The following RILPL1 variants were observed in gnomAD, a reference collection of about 807,000 sequenced individuals.
The protein encoded by RILPL1 is Rab interacting lysosomal protein like 1.
In RILPL1, 33 loss-of-function variants were observed where a neutral mutation model predicts 50.3. The observed-to-expected ratio is 0.66, with a 90% CI of 0.50 to 0.88. The LOEUF (loss-of-function observed/expected upper bound fraction) is 0.88, where lower values mean the gene tolerates loss of function less well. Among genes scored for constraint, RILPL1 ranks in the 40% least tolerant of loss-of-function variants. RILPL1 has a pLI of 0.00. For missense variants in RILPL1, 418 were observed against 542.5 expected (o/e 0.77, Z 2.28); for synonymous variants, 205 against 228.6 (o/e 0.90, Z 0.93).
rs114546828 is a variant in RILPL1 at position 123,483,064 on chromosome 12, G to A, written c.1067+1116C>T. On this transcript the variant is annotated intron_variant, in intron 6 of 6. Transcript: ENST00000376874. ...AACACTCCACTTCCTCTCCCTACAC[G>A]ATCCGACTGGCTTTCCAACCCACAC... Among the ~76,000 whole-genome samples the A allele has an allele frequency of 8.1e-3, 1,239 of 152,350 alleles. 22 individuals carry two copies. The highest frequency in any genetic ancestry group is 0.027 in the African/African-American group (1,141 of 41,580).
intron 2 of RILPL1, among the ~76,000 whole-genome samples, chr12:123,509,236 G>C (rs1593578643): frequency 1.3e-5 from 2 of 152,294 alleles, no homozygotes; most frequent in South Asian, 2.1e-4. Context: ...AATGTGGTCT[G>C]TCCATACAAC....
chr12:123,523,374 A>C, intron 2 of RILPL1, 121 bp downstream of exon 2: 1 of 1,172,162 alleles, frequency 8.5e-7, no homozygotes, highest in Non-Finnish European at 1.2e-6. Context: ...ACAGAAGGCA[A>C]AGGGCTTTGG....
In RILPL1 at chr12:123,533,573, G is replaced by A. The variant is rs1885530280; in HGVS notation, c.-91C>T. 9.0e-6 allele frequency: 10 copies of A among 1,116,160 alleles called. No homozygotes were observed. The East Asian group carries it at 3.3e-4, about 37-fold the overall frequency. 69.1% of individuals were successfully genotyped at this position (1,116,160 alleles called of 1,614,324 possible). On this transcript the variant is annotated 5_prime_UTR_variant, in exon 1 of 7. Transcript: ENST00000376874. This position sits in a 1 kb window ranked among gnomAD's most constrained non-coding sequence, Gnocchi z 6.2. Reference sequence around the variant, plus strand: ...GGGCCGGGCCGGCCGGGCCCAGCCTGGGCCGCGGGCGGGCGCGCTCAGCGG... The same window carrying A: ...GGGCCGGGCCGGCCGGGCCCAGCCTAGGCCGCGGGCGGGCGCGCTCAGCGG...
chr12:123,525,700 CAA>C (rs1207503097), intron 1 of RILPL1, among the ~76,000 whole-genome samples: 2 of 44,988 alleles, frequency 4.4e-5, no homozygotes, highest in Non-Finnish European at 8.7e-5. Flanking sequence ...GACACTGTCT[CAA>C]AAAAAAAAAA....
At chr12:123,509,236 G>A (rs1593578643) in intron 2 of RILPL1, among the ~76,000 whole-genome samples, 1 of 152,176 alleles carries the variant, frequency 6.6e-6, no homozygotes. Context: ...AATGTGGTCT[G>A]TCCATACAAC....
rs1555268013 is a variant in RILPL1, at chr12:123,511,128, C to CTG, written c.461-11593_461-11592insCA. On this transcript the variant is annotated intron_variant, in intron 2 of 6. Transcript: ENST00000376874. The stretch of plus-strand genomic sequence containing the variant: ...GGTCTGTGTGTGTGGTGTGTGAGGT[C>CTG]TATGTGTGTGTGTGGTGTGTGTGAG... Among the ~76,000 whole-genome samples, 32 of 99,500 alleles carry CTG rather than the reference C, an allele frequency of 3.2e-4. 1 individual carries two copies. The highest frequency in any genetic ancestry group is 1.4e-3 in the East Asian group (4 of 2,848). 65.3% of individuals were successfully genotyped at this position (99,500 alleles called of 152,430 possible). A position where few individuals can be genotyped will look rare whatever the true frequency, so the allele number is the denominator to read the frequency against.
intron 2 of RILPL1, among the ~76,000 whole-genome samples, chr12:123,510,575 T>C (rs1884042442): frequency 9.4e-6 from 1 of 106,566 alleles, no homozygotes; most frequent in Non-Finnish European, 1.8e-5. Flanking sequence ...GTCTGGTGTG[T>C]GTGTGAGGTC....
Position 123,511,725 on chromosome 12 carries a change from TTGTG to T in RILPL1, c.460+11766_460+11769del, listed in dbSNP as rs1314789519. Among the ~76,000 whole-genome samples the T allele has an allele frequency of 1.3e-4, 9 of 70,864 alleles. No homozygotes were observed. The South Asian group carries it at 3.5e-3, about 28-fold the overall frequency. 46.5% of individuals were successfully genotyped at this position (70,864 alleles called of 152,430 possible). On this transcript the variant is annotated intron_variant, in intron 2 of 6. Transcript: ENST00000376874. ...TGTGAGATCTGTGTGTGTGTGAGGT[TTGTG>T]TGTGTGGTGTGTGTGAGGTCTGTGT... is the stretch of plus-strand genomic sequence containing the variant.
At chr12:123,481,273 T>A (rs1484466365) in intron 6 of RILPL1, among the ~76,000 whole-genome samples, 1 of 151,004 alleles carries the variant, frequency 6.6e-6, no homozygotes, top group Non-Finnish European at 1.5e-5. Context: ...AGGAGAGAAC[T>A]GCTTGAACCC....
At chr12:123,486,301 C>T (rs144510740) in intron 4 of RILPL1, among the ~76,000 whole-genome samples, 94 of 152,218 alleles carry the variant, frequency 6.2e-4, no homozygotes, top group Non-Finnish European at 1.0e-3. Context: ...CTGGTTAGGT[C>T]CTCTCCTCCC....
At chr12:123,510,678 CTG>C (rs527348097) in intron 2 of RILPL1, among the ~76,000 whole-genome samples, 5 of 81,742 alleles carry the variant, frequency 6.1e-5, no homozygotes, top group African/African-American at 8.0e-5. Context: ...TGTGTGAGGT[CTG>C]TGTGTGTGTG....
At chr12:123,518,175 A>G (rs1395823766) in intron 2 of RILPL1, among the ~76,000 whole-genome samples, 1 of 152,094 alleles carries the variant, frequency 6.6e-6, no homozygotes, top group African/African-American at 2.4e-5. Flanking sequence ...AAGACTGTGA[A>G]TGTACTTAAT....
chr12:123,512,317 C>G (rs1360886534), intron 2 of RILPL1, among the ~76,000 whole-genome samples: 4 of 64,408 alleles, frequency 6.2e-5, no homozygotes, highest in African/African-American at 1.9e-4. Context: ...TGTGTGGTGT[C>G]AATGTGAGGT....
intron 4 of RILPL1, among the ~76,000 whole-genome samples, chr12:123,487,755 C>T (rs958751449): frequency 5.9e-5 from 9 of 152,174 alleles, no homozygotes; most frequent in Non-Finnish European, 1.3e-4. Context: ...AGTGTGGACA[C>T]TTGTTTTCAG....
chr12:123,533,215 C>T lies in RILPL1; in HGVS notation c.268G>A (p.Glu90Lys). The T allele has an allele frequency of 1.3e-6, 2 of 1,589,566 alleles. No individual in the cohort carries two copies. Among genetic ancestry groups the T allele is most frequent in the Non-Finnish European group, 1.7e-6 (2 of 1,174,320 alleles). The change falls in exon 1 of 7, where the codon GAG becomes AAG. Residue 90 changes from glutamate to lysine, a missense_variant. Coordinates refer to ENST00000376874, the MANE Select transcript of RILPL1 (RefSeq NM_178314.5). The surrounding 1 kb of genome is among the most constrained non-coding windows in gnomAD (Gnocchi z 6.2). The part of the protein sequence containing the change: ...LRLELDRLRL[E>K]RMDRIEKERK... ...TCCTTCTCGATGCGGTCCATCCTCTCCAGGCGCAGGCGGTCCAGCTCCAGG... is the reference window on the plus strand; with the variant it reads ...TCCTTCTCGATGCGGTCCATCCTCTTCAGGCGCAGGCGGTCCAGCTCCAGG...
chr12:123,525,700 C>CCAA (rs1396867749), intron 1 of RILPL1, among the ~76,000 whole-genome samples: 15 of 44,984 alleles, frequency 3.3e-4, no homozygotes, highest in African/African-American at 9.6e-4. Flanking sequence ...GACACTGTCT[C>CCAA]AAAAAAAAAA....
chr12:123,478,256 C>T (rs907793251), intron 6 of RILPL1, among the ~76,000 whole-genome samples: 1 of 152,024 alleles, frequency 6.6e-6, no homozygotes, highest in Non-Finnish European at 1.5e-5. Context: ...CCACCTCGGC[C>T]TCCCAAAGTG....
At chr12:123,525,876 A>G (rs929857522) in intron 1 of RILPL1, among the ~76,000 whole-genome samples, 1 of 151,674 alleles carries the variant, frequency 6.6e-6, no homozygotes, top group Non-Finnish European at 1.5e-5. Flanking sequence ...GTGTTATGGT[A>G]TCTGAATTAT....
At position 123,498,909 on chromosome 12, in the gene RILPL1, T is replaced by C; in HGVS notation, c.580-144A>G. The C allele has an allele frequency of 4.1e-6, 3 of 736,492 alleles. No homozygotes were observed. The highest frequency in any genetic ancestry group is 6.8e-6 in the Non-Finnish European group (3 of 439,888). The allele number at this position is 736,492 out of a possible 1,614,324, so 45.6% of individuals were successfully genotyped here. A position where few individuals can be genotyped will look rare whatever the true frequency, so the allele number is the denominator to read the frequency against. Reference sequence around the variant, plus strand: ...AAGTTGTTCGTATTCTTATAGCTGATGATGCTAGAGATGGGCAATTTGTGT... The same window carrying C: ...AAGTTGTTCGTATTCTTATAGCTGACGATGCTAGAGATGGGCAATTTGTGT... On this transcript the variant is annotated intron_variant, in intron 3 of 6. Transcript: ENST00000376874. The surrounding 1 kb of genome is among the most constrained non-coding windows in gnomAD (Gnocchi z 4.3).
Sources: gnomAD v4.1 joint callset for allele counts (sites outside exome capture counted in the v4.1 genomes callset) on GRCh38, gnomAD v4.1.1 for gene constraint, Gnocchi (gnomAD v3.1) non-coding constraint, MANE v1.5 for transcripts, NCBI Gene and HGNC (gene_info 2026-07-23, HGNC 2026-07-21) for gene names.